Variants in RAD51B observed in about 807,000 individuals in gnomAD.
The protein encoded by RAD51B is RAD51 paralog B, also known as DNA repair protein RAD51 homolog 2.
Under a neutral mutation model 42.2 loss-of-function variants are expected in RAD51B, and 38 were observed. The observed-to-expected ratio is 0.90, with a 90% CI of 0.70 to 1.18. The LOEUF (loss-of-function observed/expected upper bound fraction) is 1.18. Among genes scored for constraint, RAD51B ranks in the 50% most tolerant of loss-of-function variants. The pLI, the probability that RAD51B is intolerant of heterozygous loss-of-function variation, is 0.00. For synonymous variants in RAD51B, 154 were observed against 145.2 expected, an observed-to-expected ratio of 1.06 and a Z score of -0.43; for missense variants, 373 against 400.7, an observed-to-expected ratio of 0.93 and a Z score of 0.59.
At chr14:68,527,145 C>T (rs1009979201) in intron 10 of RAD51B, among the ~76,000 whole-genome samples, 4 of 152,142 alleles carry the variant, frequency 2.6e-5, no homozygotes, top group Admixed American at 1.3e-4. Flanking sequence ...AAACAAAAAA[C>T]GAAACAAAAT....
chr14:67,893,914 C>T lies in RAD51B; in HGVS notation c.756+6710C>T, dbSNP rs183925596. Among the ~76,000 whole-genome samples, 7 of 152,270 alleles carry T rather than the reference C, an allele frequency of 4.6e-5. 1 individual carries two copies. The highest frequency in any genetic ancestry group is 2.6e-4 in the Admixed American group (4 of 15,288). ...CAGCACATCCTCTTGGCTCCGCTTTCGAAATACATTCAGTATCTGATTACT... is the reference window on the plus strand; with the variant it reads ...CAGCACATCCTCTTGGCTCCGCTTTTGAAATACATTCAGTATCTGATTACT... On this transcript the variant is annotated intron_variant, in intron 7 of 10. Coordinates refer to ENST00000471583, the MANE Select transcript of RAD51B (RefSeq NM_133510.4).
intron 11 of RAD51B, among the ~76,000 whole-genome samples, chr14:68,661,681 C>T (rs1892936610): frequency 6.6e-6 from 1 of 152,170 alleles, no homozygotes; most frequent in African/African-American, 2.4e-5. Context: ...TTCATGTGGC[C>T]AGGCATTGGA....
At chr14:68,430,560 G>A (rs960794010) in intron 9 of RAD51B, among the ~76,000 whole-genome samples, 9 of 152,100 alleles carry the variant, frequency 5.9e-5, no homozygotes, top group African/African-American at 2.2e-4. Flanking sequence ...GTCTGTTATT[G>A]GTGTATAAGA....
At chr14:67,890,143 A>G (rs1170038272) in intron 7 of RAD51B, among the ~76,000 whole-genome samples, 2 of 152,240 alleles carry the variant, frequency 1.3e-5, no homozygotes, top group African/African-American at 4.8e-5. Context: ...TGTTGACTTT[A>G]TCATTGACTT....
chr14:68,290,644 A>G (rs960126251), intron 7 of RAD51B, among the ~76,000 whole-genome samples: 3 of 152,152 alleles, frequency 2.0e-5, no homozygotes, highest in African/African-American at 7.2e-5. Context: ...TTAGAATTTT[A>G]TGTTAGAATT....
chr14:68,249,523 A>C (rs2080574523), intron 7 of RAD51B, among the ~76,000 whole-genome samples: 1 of 152,250 alleles, frequency 6.6e-6, no homozygotes, highest in Non-Finnish European at 1.5e-5. Flanking sequence ...TGTGAATTGT[A>C]AATGTTTTAA....
chr14:67,867,116 G>A (rs960126954), intron 5 of RAD51B, among the ~76,000 whole-genome samples: 1 of 152,174 alleles, frequency 6.6e-6, no homozygotes, highest in Non-Finnish European at 1.5e-5. Context: ...ATATATGCCA[G>A]ATTTGGCATT....
chr14:68,260,298 C>CGTGTGTGTGTGTGTGTGTGTGTGTGTGT (rs71281749), intron 7 of RAD51B, among the ~76,000 whole-genome samples: 3,069 of 96,532 alleles, frequency 0.032, 400 homozygotes, highest in East Asian at 0.16. Flanking sequence ...GCTGAGAGAC[C>CGTGTGTGTGTGTGTGTGTGTGTGTGTGT]GTGTGTGTGT....
At chr14:68,049,945 T>C (rs1016454119) in intron 7 of RAD51B, among the ~76,000 whole-genome samples, 1 of 152,234 alleles carries the variant, frequency 6.6e-6, no homozygotes, top group Non-Finnish European at 1.5e-5. Context: ...AACGTAAAGC[T>C]TCCTATGAAG....
At chr14:68,584,554 A>G (rs1890364824) in intron 10 of RAD51B, among the ~76,000 whole-genome samples, 1 of 152,122 alleles carries the variant, frequency 6.6e-6, no homozygotes, top group Non-Finnish European at 1.5e-5. Context: ...ACCTCCAGCC[A>G]GCTCACCTCT....
chr14:68,638,836 G>T (rs1218557175), intron 10 of RAD51B, among the ~76,000 whole-genome samples: 1 of 152,166 alleles, frequency 6.6e-6, no homozygotes, highest in Admixed American at 6.5e-5. Context: ...TCTCAGAGAA[G>T]GAAGGGTTTC....
chr14:68,581,154 T>C (rs1002550949), intron 10 of RAD51B, among the ~76,000 whole-genome samples: 5 of 152,110 alleles, frequency 3.3e-5, no homozygotes, highest in Non-Finnish European at 5.9e-5. Context: ...GCATTCAAAG[T>C]AAAGATGGTC....
At chr14:68,447,631 G>A (rs144104094) in intron 9 of RAD51B, among the ~76,000 whole-genome samples, 2 of 151,726 alleles carry the variant, frequency 1.3e-5, no homozygotes, top group East Asian at 1.9e-4. Flanking sequence ...GGCTTATAAG[G>A]CTCTTTGAAA....
intron 7 of RAD51B, among the ~76,000 whole-genome samples, chr14:68,249,962 CTTCTTGT>C (rs1261249384): frequency 6.6e-6 from 1 of 152,200 alleles, no homozygotes; most frequent in Admixed American, 6.5e-5. Flanking sequence ...GTGGTGAGAC[CTTCTTGT>C]TTGTTAAGGA....
intron 5 of RAD51B, among the ~76,000 whole-genome samples, chr14:67,884,356 G>T (rs1409158175): frequency 6.6e-6 from 1 of 152,088 alleles, no homozygotes; most frequent in Admixed American, 6.6e-5. Flanking sequence ...AGTTCTTGTT[G>T]CTAATGAGCT....
intron 7 of RAD51B, among the ~76,000 whole-genome samples, chr14:68,124,801 G>C (rs866465274): frequency 1.3e-5 from 2 of 151,796 alleles, no homozygotes; most frequent in Non-Finnish European, 2.9e-5. Flanking sequence ...AAAATACAAA[G>C]ATTAGCTGGG....
At chr14:68,436,868 T>A (rs2085159981) in intron 9 of RAD51B, among the ~76,000 whole-genome samples, 1 of 152,214 alleles carries the variant, frequency 6.6e-6, no homozygotes, top group African/African-American at 2.4e-5. Flanking sequence ...ACATTGATTT[T>A]GTATCCTGAA....
chr14:68,515,400 C>T (rs1266882348), intron 10 of RAD51B, among the ~76,000 whole-genome samples: 2 of 150,200 alleles, frequency 1.3e-5, no homozygotes, highest in Non-Finnish European at 3.0e-5. Flanking sequence ...ACATTTCAGA[C>T]ATATGGACCA....
At chr14:68,536,584 T>C (rs1594952135) in intron 10 of RAD51B, among the ~76,000 whole-genome samples, 1 of 152,352 alleles carries the variant, frequency 6.6e-6, no homozygotes, top group East Asian at 1.9e-4. Flanking sequence ...GTCACATAAA[T>C]GTTTCCTGGT....
Sources: allele counts gnomAD v4.1 joint callset (sites outside exome capture counted in the v4.1 genomes callset), GRCh38; gene constraint gnomAD v4.1.1; transcripts MANE v1.5; gene names NCBI Gene and HGNC (gene_info 2026-07-23, HGNC 2026-07-21).